ULK4: variants seen among roughly 807,000 people sequenced by gnomAD.
The protein encoded by ULK4 is unc-51 like kinase 4.
ULK4 carries 133 observed loss-of-function variants against 160.6 expected under a neutral mutation model. The ratio of observed to expected loss-of-function variants is 0.83; its 90% CI spans 0.72 to 0.96. The LOEUF is 0.96. Ranked by LOEUF, ULK4 falls within the 40% of genes least tolerant of loss-of-function variation. The pLI is 0.00. For missense variants in ULK4, 1,580 were observed against 1,499.5 expected, an observed-to-expected ratio of 1.05 and a Z score of -0.89; for synonymous variants, 534 against 539.8, an observed-to-expected ratio of 0.99 and a Z score of 0.15.
chr3:41,388,482 T>G (rs2081875899), intron 35 of ULK4, among the ~76,000 whole-genome samples: 1 of 152,092 alleles, frequency 6.6e-6, no homozygotes, highest in South Asian at 2.1e-4. Context: ...TGCCTAGGTT[T>G]TCATCTAGGG....
chr3:41,954,578 G>A lies in ULK4; in HGVS notation c.138+44C>T. On this transcript the variant is annotated intron_variant, in intron 2 of 36. Transcript: ENST00000301831. ...AAAATGCTACCCCCTTCTACCTATT[G>A]TAGCTCTCTCTTTCCCCATGCCAAT... 3 of 1,583,760 alleles carry A rather than the reference G, an allele frequency of 1.9e-6. No homozygotes were observed. The African/African-American group carries it at 4.1e-5, about 21-fold the overall frequency.
intron 2 of ULK4, among the ~76,000 whole-genome samples, chr3:41,953,525 A>T (rs1700373365): frequency 6.6e-6 from 1 of 151,494 alleles, no homozygotes; most frequent in Non-Finnish European, 1.5e-5. Context: ...CTGGTCTCGA[A>T]CCCAAAGTGC....
chr3:41,282,412 A>G (rs1462439531), intron 35 of ULK4, among the ~76,000 whole-genome samples: 1 of 152,246 alleles, frequency 6.6e-6, no homozygotes, highest in Non-Finnish European at 1.5e-5. Flanking sequence ...CTACAAGGCT[A>G]CAGTAACCAA....
At chr3:41,797,996 G>A (rs1383336066) in intron 20 of ULK4, among the ~76,000 whole-genome samples, 2 of 152,044 alleles carry the variant, frequency 1.3e-5, no homozygotes, top group Non-Finnish European at 2.9e-5. Context: ...CAGGATCTTT[G>A]CACAGAAAAG....
intron 20 of ULK4, among the ~76,000 whole-genome samples, chr3:41,799,411 T>A (rs1369964264): frequency 6.6e-6 from 1 of 152,140 alleles, no homozygotes; most frequent in East Asian, 1.9e-4. Context: ...CACAGATGCT[T>A]GAACATTAAA....
chr3:41,637,418 C>A (rs116309296), intron 30 of ULK4, among the ~76,000 whole-genome samples: 248 of 152,226 alleles, frequency 1.6e-3, no homozygotes, highest in African/African-American at 5.8e-3. Flanking sequence ...TGTATATCTA[C>A]CACATTTTCT....
At position 41,753,137 on chromosome 3, in the gene ULK4, C is replaced by A. The variant is rs187596653; in HGVS notation, c.2321+1224G>T. 4.6e-5 allele frequency among the ~76,000 whole-genome samples: 7 copies of A among 152,210 alleles called. No individual in the cohort carries two copies. In the East Asian group the frequency reaches 1.4e-3, roughly 29 times the overall value. On this transcript the variant is annotated intron_variant, in intron 22 of 36. Coordinates refer to ENST00000301831, the MANE Select transcript of ULK4 (RefSeq NM_017886.4). ...AGCTGAAATGAGAGGATCGCTTGGG[C>A]CTGGTGTGGGGATCGAGGCTCCAGT...
intron 21 of ULK4, among the ~76,000 whole-genome samples, chr3:41,771,631 C>T (rs1452519119): frequency 6.6e-6 from 1 of 152,028 alleles, no homozygotes; most frequent in Admixed American, 6.6e-5. Context: ...AAAAGCTACC[C>T]ATGTGGTAGG....
chr3:41,700,975 G>C (rs948845750), intron 27 of ULK4, among the ~76,000 whole-genome samples: 1 of 152,106 alleles, frequency 6.6e-6, no homozygotes. Context: ...CGTGCTATAT[G>C]TGGCAGCAGA....
chr3:41,528,976 A>C (rs905625581), intron 32 of ULK4, among the ~76,000 whole-genome samples: 3 of 152,198 alleles, frequency 2.0e-5, no homozygotes, highest in Non-Finnish European at 4.4e-5. Context: ...TCCAAACCTA[A>C]AATAAAAGTT....
chr3:41,275,739 G>A (rs1362002398), intron 35 of ULK4, among the ~76,000 whole-genome samples: 1 of 152,194 alleles, frequency 6.6e-6, no homozygotes, highest in Non-Finnish European at 1.5e-5. Flanking sequence ...AGCTACTGGT[G>A]AACTTACTTA....
intron 34 of ULK4, among the ~76,000 whole-genome samples, chr3:41,446,278 G>A (rs1332647167): frequency 6.6e-6 from 1 of 152,146 alleles, no homozygotes; most frequent in Non-Finnish European, 1.5e-5. Context: ...ACTGTTGGTG[G>A]GAATGTAAAC....
chr3:41,616,596 C>T (rs1024294752), intron 30 of ULK4, among the ~76,000 whole-genome samples: 4 of 152,182 alleles, frequency 2.6e-5, no homozygotes, highest in Non-Finnish European at 5.9e-5. Flanking sequence ...TGCTACCCGG[C>T]CTGGTTACTA....
chr3:41,375,935 A>AG (rs2081479499), intron 35 of ULK4, among the ~76,000 whole-genome samples: 2 of 150,398 alleles, frequency 1.3e-5, no homozygotes, highest in African/African-American at 5.0e-5. Context: ...CAAATTTACG[A>AG]GAAAAAAAAC....
In ULK4 at chr3:41,751,070, C is replaced by T. The variant is rs558300380; in HGVS notation, c.2321+3291G>A. On this transcript the variant is annotated intron_variant, in intron 22 of 36. Transcript: ENST00000301831. ...GGTGGGCGGGTCAGCCTGCTCTTCC[C>T]GTTCTTTCTCTTTCAAGTACCATGT... Among the ~76,000 whole-genome samples the T allele has an allele frequency of 1.1e-4, 17 of 151,422 alleles. 1 individual carries two copies. In the South Asian group the frequency reaches 3.4e-3, roughly 30 times the overall value.
At chr3:41,634,245 C>T (rs953252838) in intron 30 of ULK4, among the ~76,000 whole-genome samples, 4 of 152,132 alleles carry the variant, frequency 2.6e-5, no homozygotes, top group Non-Finnish European at 5.9e-5. Flanking sequence ...TTTTGCCTGA[C>T]CCATGTCCAG....
chr3:41,395,282 A>C (rs2082034232), intron 35 of ULK4, among the ~76,000 whole-genome samples: 1 of 152,040 alleles, frequency 6.6e-6, no homozygotes, highest in Admixed American at 6.6e-5. Context: ...GCAGCCGTGG[A>C]TTGTAACTCA....
At chr3:41,690,408 T>C (rs372158444) in intron 27 of ULK4, among the ~76,000 whole-genome samples, 2 of 151,418 alleles carry the variant, frequency 1.3e-5, no homozygotes, top group East Asian at 1.9e-4. Context: ...AACCTGCACA[T>C]TGTGCACATG....
intron 19 of ULK4, among the ~76,000 whole-genome samples, chr3:41,806,321 G>A (rs946293409): frequency 3.3e-5 from 5 of 151,764 alleles, no homozygotes; most frequent in Admixed American, 2.0e-4. Flanking sequence ...CTGTGGGATC[G>A]GTGGTGATAT....
Sources: gnomAD v4.1 joint callset for allele counts (sites outside exome capture counted in the v4.1 genomes callset) on GRCh38, gnomAD v4.1.1 for gene constraint, MANE v1.5 for transcripts, NCBI Gene and HGNC (gene_info 2026-07-23, HGNC 2026-07-21) for gene names.